The following SMC2 variants were observed in gnomAD, a reference collection of about 807,000 sequenced individuals.
The protein encoded by SMC2 is structural maintenance of chromosomes 2.
A neutral mutation model predicts 142.6 loss-of-function variants in SMC2; 41 were observed. The ratio of observed to expected loss-of-function variants is 0.29; its 90% CI spans 0.22 to 0.37. SMC2 has a LOEUF of 0.37. Ranked by LOEUF, SMC2 falls within the 10% of genes least tolerant of loss-of-function variation. The pLI, the probability that SMC2 is intolerant of heterozygous loss-of-function variation, is 1.00. For missense variants in SMC2, 1,265 were observed against 1,373.7 expected, an observed-to-expected ratio of 0.92 and a Z score of 1.25; for synonymous variants, 463 against 457.5, an observed-to-expected ratio of 1.01 and a Z score of -0.15.
At chr9:104,092,986 C>T (rs1830056482), upstream of SMC2, 1 of 152,178 alleles carries the variant, frequency 6.6e-6, no homozygotes, top group Non-Finnish European at 1.5e-5. Context: ...GCCTCTCCAC[C>T]ATGCGAGGAC....
At position 104,139,671 on chromosome 9, in the gene SMC2, ATTGAT is replaced by A. The variant is rs965064823; in HGVS notation, c.*359_*363del. 6.0e-6 allele frequency: 1 copy of A among 167,668 alleles called. No individual in the cohort carries two copies. Among genetic ancestry groups the A allele is most frequent in the Non-Finnish European group, 1.3e-5 (1 of 79,232 alleles). 10.4% of individuals were successfully genotyped at this position (167,668 alleles called of 1,614,324 possible). Reference sequence around the variant, plus strand: ...AAATGTAGCTGATCATCAGTGTTTAATTGATTTAATTCCTAAGGCAATATTAATGT... The same window carrying A: ...AAATGTAGCTGATCATCAGTGTTTAATTAATTCCTAAGGCAATATTAATGT... On this transcript the variant is annotated 3_prime_UTR_variant, in exon 25 of 25. Transcript: ENST00000374793.
intron 9 of SMC2, among the ~76,000 whole-genome samples, chr9:104,110,081 A>G (rs752217007): frequency 2.0e-5 from 3 of 152,172 alleles, no homozygotes; most frequent in Non-Finnish European, 4.4e-5. Flanking sequence ...GTTTCCAGTA[A>G]GTTGCAGAGC....
At chr9:104,117,048 G>A (rs41337947) in intron 14 of SMC2, among the ~76,000 whole-genome samples, 8,623 of 152,162 alleles carry the variant, frequency 0.057, 654 homozygotes, top group African/African-American at 0.18. Context: ...TGTATCCTTA[G>A]TTACATTCAG....
chr9:104,137,006 G>A (rs1835618717), intron 23 of SMC2, among the ~76,000 whole-genome samples: 1 of 151,978 alleles, frequency 6.6e-6, no homozygotes, highest in Non-Finnish European at 1.5e-5. Context: ...AAATTAGCTG[G>A]GTGTGGTGGC....
chr9:104,088,506 A>G, the SMC2 span, among the ~76,000 whole-genome samples: 75,051 of 151,858 alleles, frequency 0.49, 18,986 homozygotes, highest in East Asian at 0.8. Context: ...TTAAATACAC[A>G]TAGAAATACA....
intron 17 of SMC2, among the ~76,000 whole-genome samples, chr9:104,124,636 T>A (rs201884728): frequency 0.057 from 8,589 of 151,938 alleles, 647 homozygotes; most frequent in African/African-American, 0.18. Flanking sequence ...TTTTTTTTTT[T>A]AATAGGTTGC....
chr9:104,125,324 A>G (rs7872413), intron 18 of SMC2, among the ~76,000 whole-genome samples: 8,613 of 152,158 alleles, frequency 0.057, 654 homozygotes, highest in African/African-American at 0.18. Flanking sequence ...TTGAGTGTTG[A>G]TCTGAGGCTC....
Position 104,101,031 on chromosome 9 carries a change from G to A in SMC2, c.636+598G>A, listed in dbSNP as rs58309742. Among the ~76,000 whole-genome samples the A allele has an allele frequency of 3.6e-3, 549 of 152,162 alleles. 1 individual carries two copies. Among genetic ancestry groups the A allele is most frequent in the African/African-American group, 0.012 (500 of 41,504 alleles). On this transcript the variant is annotated intron_variant, in intron 7 of 24. Transcript: ENST00000374793. ...CAGCTCACTGCAGCCTCCACCTCCC[G>A]GTCTCAAGGGATCCTCCCACCTTAG...
Position 104,134,472 on chromosome 9 carries a change from C to T in SMC2, c.3166C>T (p.Leu1056Phe), listed in dbSNP as rs780811901. ...STLLPGANAMLAPPEGQTVLD... is the reference protein window; with the variant it reads ...STLLPGANAMFAPPEGQTVLD... The stretch of plus-strand genomic sequence containing the variant: ...TCTTTTGCCTGGTGCTAATGCTATG[C>T]TTGCACCACCAGAGGGTCAAACTGT... Residue 1056 changes from leucine to phenylalanine, a missense_variant, in exon 23 of 25, where the codon CTT (leucine) becomes TTT (phenylalanine). Physicochemically the swap from Leu to Phe is conservative, Grantham distance 22. Around this residue, in one of 4 missense-constraint regions of SMC2, gnomAD observed 192 missense variants for 261.9 expected, o/e 0.73. Coordinates refer to ENST00000374793, the MANE Select transcript of SMC2 (RefSeq NM_006444.3). 5 of 1,611,960 alleles carry T rather than the reference C, an allele frequency of 3.1e-6. No individual in the cohort carries two copies. In the Admixed American group the frequency reaches 8.4e-5, roughly 27 times the overall value.
intron 23 of SMC2, chr9:104,135,898 A>C (rs1835480413): frequency 1.9e-6 from 1 of 518,710 alleles, no homozygotes; most frequent in Non-Finnish European, 3.8e-6. Flanking sequence ...CTACAGGTTA[A>C]AGGAAGTTCT....
intron 9 of SMC2, among the ~76,000 whole-genome samples, chr9:104,106,550 C>T (rs188603861): frequency 3.1e-4 from 47 of 152,178 alleles, no homozygotes; most frequent in African/African-American, 8.2e-4. Context: ...TGTACCACCA[C>T]GCCTGGCTAA....
At chr9:104,093,669 T>G (rs1364044812), upstream of SMC2, among the ~76,000 whole-genome samples, 1 of 152,006 alleles carries the variant, frequency 6.6e-6, no homozygotes, top group East Asian at 1.9e-4. Context: ...CCACACAATT[T>G]CTCCTCTGGG....
chr9:104,125,502 C>T (rs1487303996), intron 18 of SMC2, among the ~76,000 whole-genome samples: 1 of 152,044 alleles, frequency 6.6e-6, no homozygotes, highest in African/African-American at 2.4e-5. Flanking sequence ...ACCCTGCAAT[C>T]GAGTGTTTCA....
At chr9:104,109,041 A>G (rs754584340) in intron 9 of SMC2, among the ~76,000 whole-genome samples, 7 of 152,244 alleles carry the variant, frequency 4.6e-5, no homozygotes, top group Non-Finnish European at 8.8e-5. Flanking sequence ...TTTCTAGCAC[A>G]TTCTACAGCT....
At chr9:104,102,624 C>T in intron 9 of SMC2, 51 bp downstream of exon 9, 1 of 1,534,524 alleles carries the variant, frequency 6.5e-7, no homozygotes, top group South Asian at 1.2e-5. Flanking sequence ...AGTATATAGT[C>T]TCATTAGTGT....
chr9:104,137,865 T>TTTAATTTAATTA (rs1564123581), intron 23 of SMC2, among the ~76,000 whole-genome samples, 153 bp from the exon 24 acceptor site: 2 of 151,978 alleles, frequency 1.3e-5, no homozygotes, highest in African/African-American at 4.8e-5. Context: ...ACAACAAAAG[T>TTTAATTTAATTA]GTTAAAGTTT....
At chr9:104,098,644 G>A (rs1830752765) in intron 4 of SMC2, 76 bp downstream of exon 4, 1 of 1,373,762 alleles carries the variant, frequency 7.3e-7, no homozygotes, top group Non-Finnish European at 1.0e-6. Context: ...TAAAATAGAA[G>A]TACTTTATGT....
chr9:104,137,813 A>T (rs1335574738), intron 23 of SMC2, among the ~76,000 whole-genome samples: 1 of 136,178 alleles, frequency 7.3e-6, no homozygotes, highest in Non-Finnish European at 1.5e-5. Context: ...TTCCGAAAAG[A>T]GGAGAAATGG....
intron 10 of SMC2, among the ~76,000 whole-genome samples, chr9:104,113,022 A>G (rs938449962): frequency 1.3e-5 from 2 of 152,156 alleles, no homozygotes; most frequent in African/African-American, 4.8e-5. Flanking sequence ...CCAGCTACTG[A>G]CAGTTATTCG....
Sources: gnomAD v4.1 joint callset for allele counts (sites outside exome capture counted in the v4.1 genomes callset) on GRCh38, gnomAD v4.1.1 for gene constraint, gnomAD v4.1.1 regional missense constraint, MANE v1.5 for transcripts, NCBI Gene and HGNC (gene_info 2026-07-23, HGNC 2026-07-21) for gene names.